AK5: variants seen among roughly 807,000 people sequenced by gnomAD.
AK5 encodes adenylate kinase 5, also known as adenylate kinase isoenzyme 5.
In AK5, 27 loss-of-function variants were observed where a neutral mutation model predicts 69.5. The ratio of observed to expected loss-of-function variants is 0.39; its 90% CI spans 0.29 to 0.54. The LOEUF (loss-of-function observed/expected upper bound fraction) is 0.54. AK5 is among the 20% of genes least tolerant of loss of function. The probability of loss-of-function intolerance (pLI) is 0.71; values close to 1 mark genes in which losing one functional copy is unlikely to be tolerated. For synonymous variants in AK5, 260 were observed against 244.4 expected (o/e 1.06, Z -0.60); for missense variants, 531 against 700.4 (o/e 0.76, Z 2.73).
Position 77,559,894 on chromosome 1 carries a change from T to C in AK5, c.*1224T>C, listed in dbSNP as rs1350744393. The C allele has an allele frequency of 6.6e-6, 1 of 152,554 alleles. No individual in the cohort carries two copies. Among genetic ancestry groups the C allele is most frequent in the East Asian group, 1.9e-4 (1 of 5,204 alleles). 9.5% of individuals were successfully genotyped at this position (152,554 alleles called of 1,614,324 possible). On this transcript the variant is annotated 3_prime_UTR_variant, in exon 14 of 14. Transcript: ENST00000354567. ...TGCAGATAAGGATCCATTTCTGGGA[T>C]AGAATTGTATTTTTTAAGTCATTTT...
At chr1:77,359,300 AATTT>A in intron 6 of AK5, among the ~76,000 whole-genome samples, 1 of 152,096 alleles carries the variant, frequency 6.6e-6, no homozygotes, top group Non-Finnish European at 1.5e-5. Flanking sequence ...AGATTCTATT[AATTT>A]ATGTTATAGA....
intron 1 of AK5, among the ~76,000 whole-genome samples, chr1:77,286,049 A>G (rs1658329775): frequency 6.6e-6 from 1 of 152,186 alleles, no homozygotes; most frequent in South Asian, 2.1e-4. Context: ...ATACCATGGG[A>G]ACACAGAAGA....
chr1:77,331,880 A>G (rs1039992992), intron 5 of AK5, among the ~76,000 whole-genome samples: 1 of 152,128 alleles, frequency 6.6e-6, no homozygotes, highest in Non-Finnish European at 1.5e-5. Context: ...TAAATATAGG[A>G]CTATTTAGAC....
At chr1:77,419,562 A>G (rs150526575) in intron 8 of AK5, among the ~76,000 whole-genome samples, 6 of 152,356 alleles carry the variant, frequency 3.9e-5, no homozygotes, top group Admixed American at 2.0e-4. Context: ...AATATCGTCA[A>G]TTGAAACAGA....
At chr1:77,378,323 T>C (rs1379208896) in intron 6 of AK5, among the ~76,000 whole-genome samples, 1 of 152,200 alleles carries the variant, frequency 6.6e-6, no homozygotes, top group Admixed American at 6.5e-5. Context: ...AGAAACAGTA[T>C]AATAGTATTT....
chr1:77,465,128 A>G (rs1654064876), intron 8 of AK5, among the ~76,000 whole-genome samples: 2 of 152,124 alleles, frequency 1.3e-5, no homozygotes, highest in Non-Finnish European at 2.9e-5. Flanking sequence ...ATCCTGATGA[A>G]ATTTCCAAAC....
rs190380387 is a variant in AK5 at position 77,499,614 on chromosome 1, T to C, written c.1147+13262T>C. 4.1e-3 allele frequency among the ~76,000 whole-genome samples: 618 copies of C among 152,166 alleles called. 3 individuals carry two copies. Among genetic ancestry groups the C allele is most frequent in the Non-Finnish European group, 6.4e-3 (432 of 68,018 alleles). ...CACAAGCAGAACACCCTGGTTTTTT[T>C]GGAAGTCCTCAGCATGGTCTGGGTG... On this transcript the variant is annotated intron_variant, in intron 10 of 13. Transcript: ENST00000354567.
At chr1:77,532,999 A>G (rs1658735057) in intron 12 of AK5, among the ~76,000 whole-genome samples, 1 of 152,250 alleles carries the variant, frequency 6.6e-6, no homozygotes, top group African/African-American at 2.4e-5. Context: ...ATTAGATGGT[A>G]TCTCATTGAA....
chr1:77,522,560 C>A (rs1394333901), intron 12 of AK5, among the ~76,000 whole-genome samples: 3 of 152,152 alleles, frequency 2.0e-5, no homozygotes, highest in African/African-American at 4.8e-5. Flanking sequence ...CAGGCAGAAT[C>A]AGAACTACAC....
chr1:77,297,192 A>G (rs765500228), intron 3 of AK5, among the ~76,000 whole-genome samples: 2 of 152,178 alleles, frequency 1.3e-5, no homozygotes, highest in African/African-American at 2.4e-5. Flanking sequence ...TATTTTGATC[A>G]TTGTTTTTTA....
intron 6 of AK5, among the ~76,000 whole-genome samples, chr1:77,343,564 C>T (rs892888245): frequency 2.6e-5 from 4 of 152,022 alleles, no homozygotes; most frequent in African/African-American, 4.8e-5. Flanking sequence ...TCCATGCAGC[C>T]GCTTTGCCTG....
intron 6 of AK5, among the ~76,000 whole-genome samples, chr1:77,406,565 C>T (rs1388698729): frequency 5.2e-5 from 7 of 134,230 alleles, no homozygotes; most frequent in Non-Finnish European, 9.5e-5. Flanking sequence ...AGGGCTGTGT[C>T]AACACTTACT....
intron 5 of AK5, among the ~76,000 whole-genome samples, chr1:77,330,952 T>A (rs1294511642): frequency 1.3e-5 from 2 of 152,174 alleles, no homozygotes; most frequent in Non-Finnish European, 2.9e-5. Context: ...AATGACTTTT[T>A]AAAATTTAAT....
intron 5 of AK5, among the ~76,000 whole-genome samples, chr1:77,329,068 A>G (rs979633468): frequency 1.3e-5 from 2 of 152,128 alleles, no homozygotes; most frequent in African/African-American, 2.4e-5. Flanking sequence ...TAGAATGGCA[A>G]CTAAATTGCC....
At chr1:77,368,253 A>ATAT (rs1553140304) in intron 6 of AK5, among the ~76,000 whole-genome samples, 13 of 38,618 alleles carry the variant, frequency 3.4e-4, no homozygotes, top group East Asian at 2.3e-3. Context: ...ATATATATAT[A>ATAT]ATATATATGT....
intron 13 of AK5, among the ~76,000 whole-genome samples, chr1:77,536,470 A>G (rs1030098546): frequency 6.6e-6 from 1 of 152,236 alleles, no homozygotes; most frequent in African/African-American, 2.4e-5. Context: ...AACAACAACA[A>G]GAATTTGGAC....
chr1:77,358,304 T>G (rs950758019), intron 6 of AK5, among the ~76,000 whole-genome samples: 2 of 152,274 alleles, frequency 1.3e-5, no homozygotes, highest in East Asian at 1.9e-4. Context: ...TTGGGCAATT[T>G]ATTTACCCCC....
intron 13 of AK5, chr1:77,557,334 A>G: frequency 4.8e-6 from 1 of 210,052 alleles, no homozygotes; most frequent in Non-Finnish European, 1.0e-5. Context: ...TTAAGAGGTA[A>G]TGCCTCATAA....
intron 5 of AK5, among the ~76,000 whole-genome samples, chr1:77,304,735 C>G (rs897587690): frequency 6.6e-6 from 1 of 152,222 alleles, no homozygotes; most frequent in African/African-American, 2.4e-5. Flanking sequence ...ATCCATTCAT[C>G]TGTGGATGAA....
Sources: gnomAD v4.1 joint callset for allele counts (sites outside exome capture counted in the v4.1 genomes callset) on GRCh38, gnomAD v4.1.1 for gene constraint, MANE v1.5 for transcripts, NCBI Gene and HGNC (gene_info 2026-07-23, HGNC 2026-07-21) for gene names.